EHD3: variants seen among roughly 807,000 people sequenced by gnomAD.
EHD3 encodes the protein EH domain containing 3.
Under a neutral mutation model 43.0 loss-of-function variants are expected in EHD3, and 17 were observed. The ratio of observed to expected loss-of-function variants is 0.40; its 90% CI spans 0.27 to 0.59. The LOEUF (loss-of-function observed/expected upper bound fraction) is 0.59, where lower values mean the gene tolerates loss of function less well. Ranked by LOEUF, EHD3 falls within the 20% of genes least tolerant of loss-of-function variation. EHD3 has a pLI of 0.49. For synonymous variants in EHD3, 313 were observed against 289.5 expected (o/e 1.08, Z -0.82); for missense variants, 594 against 705.6 (o/e 0.84, Z 1.79).
At position 31,265,025 on chromosome 2, in the gene EHD3, C is replaced by A. The variant is rs575084991; in HGVS notation, c.1081-1152C>A. Among the ~76,000 whole-genome samples the A allele has an allele frequency of 5.9e-5, 9 of 152,256 alleles. No homozygotes were observed. In the East Asian group the frequency reaches 1.7e-3, roughly 29 times the overall value. On this transcript the variant is annotated intron_variant, in intron 5 of 5. Transcript: ENST00000322054. ...ATGCTAGTCTAGGCCTACACAGGGT[C>A]AGCATCATCAGTTTCGCTGTCTTCA...
At chr2:31,246,988 C>A (rs1683536313) in intron 2 of EHD3, among the ~76,000 whole-genome samples, 1 of 152,004 alleles carries the variant, frequency 6.6e-6, no homozygotes, top group African/African-American at 2.4e-5. Context: ...CCTCCATCTC[C>A]TGGGTTCAGG....
rs151181600 is a variant in EHD3 at position 31,266,653 on chromosome 2, C to T, written c.1557C>T (p.Asn519=). 9.6e-5 allele frequency: 155 copies of T among 1,612,576 alleles called. No individual in the cohort carries two copies. Among genetic ancestry groups the T allele is most frequent in the Non-Finnish European group, 1.2e-4 (142 of 1,179,058 alleles). The change falls in exon 6 of 6, where the codon AAC becomes AAT. Residue 519 remains asparagine, a synonymous_variant. Coordinates refer to ENST00000322054, the MANE Select transcript of EHD3 (RefSeq NM_014600.3). The surrounding 1 kb of genome is among the most constrained non-coding windows in gnomAD (Gnocchi z 5.1). ...KVKLEGHELP[N]ELPAHLLPPS... is the part of the protein sequence containing the mutation. ...AGCTGGAGGGGCACGAGCTGCCCAA[C>T]GAGCTGCCTGCCCACCTCCTGCCCC... is the stretch of plus-strand genomic sequence containing the variant.
intron 3 of EHD3, among the ~76,000 whole-genome samples, chr2:31,259,811 G>T (rs1471434400): frequency 6.6e-6 from 1 of 152,224 alleles, no homozygotes; most frequent in Non-Finnish European, 1.5e-5. Context: ...CAGATTAGGT[G>T]TCCAGACTTT....
In EHD3 at chr2:31,255,491, A is replaced by G. The variant is rs147575792; in HGVS notation, c.503-5019A>G. ...GTTATCCCTATTTTGCAGCTGAGAA[A>G]ATTGAGGTTCAGATTTGCCAAATAA... On this transcript the variant is annotated intron_variant, in intron 3 of 5. Coordinates refer to ENST00000322054, the MANE Select transcript of EHD3 (RefSeq NM_014600.3). 2.0e-3 allele frequency among the ~76,000 whole-genome samples: 303 copies of G among 152,300 alleles called. 1 individual carries two copies. Among genetic ancestry groups the G allele is most frequent in the African/African-American group, 7.1e-3 (294 of 41,580 alleles).
chr2:31,261,823 A>AGTTTTT, intron 5 of EHD3, 110 bp downstream of exon 5: 2 of 1,326,900 alleles, frequency 1.5e-6, no homozygotes, highest in Non-Finnish European at 2.1e-6. Flanking sequence ...AACCCCGCCC[A>AGTTTTT]GAATCTGCAG....
chr2:31,260,035 T>G lies in EHD3; in HGVS notation c.503-475T>G, dbSNP rs1010564035. Among the ~76,000 whole-genome samples the G allele has an allele frequency of 3.9e-5, 6 of 152,108 alleles. No homozygotes were observed. Among genetic ancestry groups the G allele is most frequent in the African/African-American group, 1.4e-4 (6 of 41,404 alleles). ...TGGCTAACATGGTTAAACCTGTCTC[T>G]ACTAAAAACACAAAAATTAGACGGG... On this transcript the variant is annotated intron_variant, in intron 3 of 5. Transcript: ENST00000322054. The surrounding 1 kb of genome is among the most constrained non-coding windows in gnomAD (Gnocchi z 4.6).
intron 1 of EHD3, among the ~76,000 whole-genome samples, chr2:31,241,263 A>G (rs755722560): frequency 6.6e-6 from 1 of 152,086 alleles, no homozygotes; most frequent in African/African-American, 2.4e-5. Context: ...TCATCGTTCT[A>G]AAAGGGAGCT....
intron 1 of EHD3, among the ~76,000 whole-genome samples, chr2:31,239,941 A>T (rs1350327962): frequency 6.6e-6 from 1 of 152,076 alleles, no homozygotes; most frequent in African/African-American, 2.4e-5. Context: ...CACGTCGCTG[A>T]GCTCTGGGGA....
rs1195575285 is a variant in EHD3, at chr2:31,266,004, C to G, written c.1081-173C>G. 6.6e-6 allele frequency among the ~76,000 whole-genome samples: 1 copy of G among 152,208 alleles called. No homozygotes were observed. Among genetic ancestry groups the G allele is most frequent in the Non-Finnish European group, 1.5e-5 (1 of 68,040 alleles). ...CAGTGGGCCTTTATTCCCCTCCTCT[C>G]TCATACCTTCGATTACCACGTGATG... On this transcript the variant is annotated intron_variant, in intron 5 of 5. Coordinates refer to ENST00000322054, the MANE Select transcript of EHD3 (RefSeq NM_014600.3). This position sits in a 1 kb window ranked among gnomAD's most constrained non-coding sequence, Gnocchi z 5.1.
In EHD3 at chr2:31,247,407, A is replaced by G. The variant is rs143756320; in HGVS notation, c.405-1964A>G. Reference sequence around the variant, plus strand: ...AGGAAGGTGTTGTGAAACAAATAACATGCACATAAAAGGTGATACTATTAA... The same window carrying G: ...AGGAAGGTGTTGTGAAACAAATAACGTGCACATAAAAGGTGATACTATTAA... On this transcript the variant is annotated intron_variant, in intron 2 of 5. Coordinates refer to ENST00000322054, the MANE Select transcript of EHD3 (RefSeq NM_014600.3). Among the ~76,000 whole-genome samples the G allele has an allele frequency of 6.8e-3, 1,042 of 152,300 alleles. 8 individuals are homozygous for G. The highest frequency in any genetic ancestry group is 0.024 in the African/African-American group (982 of 41,554).
rs765780879 is a variant in EHD3, at chr2:31,266,590, C to T, written c.1494C>T (p.Asp498=). 11 of 1,614,020 alleles carry T rather than the reference C, an allele frequency of 6.8e-6. No individual in the cohort carries two copies. The highest frequency in any genetic ancestry group is 2.2e-5 in the East Asian group (1 of 44,888). ...TTGACAAGGATGGCATGCTGGACGA[C>T]GACGAGTTTGCACTGGCCAACCACC... ...ADIDKDGMLD[D]DEFALANHLI... Residue 498 remains aspartate, a synonymous_variant, in exon 6 of 6, where the codon GAC becomes GAT. Transcript: ENST00000322054. The surrounding 1 kb of genome is among the most constrained non-coding windows in gnomAD (Gnocchi z 5.1).
intron 5 of EHD3, among the ~76,000 whole-genome samples, chr2:31,264,298 T>TGAAA (rs1480485300): frequency 3.3e-5 from 5 of 152,150 alleles, no homozygotes; most frequent in Non-Finnish European, 5.9e-5. Context: ...AAATACAGTA[T>TGAAA]GAAAGATAAA....
At chr2:31,237,435 C>T (rs920649272) in intron 1 of EHD3, among the ~76,000 whole-genome samples, 1 of 152,020 alleles carries the variant, frequency 6.6e-6, no homozygotes, top group Non-Finnish European at 1.5e-5. Flanking sequence ...GATGGAGTCT[C>T]ACTGTGTCAC....
intron 5 of EHD3, among the ~76,000 whole-genome samples, chr2:31,265,075 G>A (rs1683921822): frequency 6.6e-6 from 1 of 152,134 alleles, no homozygotes; most frequent in African/African-American, 2.4e-5. Flanking sequence ...CCCACTGGAA[G>A]GTCTTGAGAG....
At chr2:31,263,084 C>T (rs1450503718) in intron 5 of EHD3, among the ~76,000 whole-genome samples, 1 of 152,070 alleles carries the variant, frequency 6.6e-6, no homozygotes, top group Non-Finnish European at 1.5e-5. Flanking sequence ...TTTTAGTTTC[C>T]TATCCGGCAG....
intron 2 of EHD3, among the ~76,000 whole-genome samples, chr2:31,248,088 C>T (rs1376889201): frequency 2.6e-5 from 4 of 152,188 alleles, no homozygotes; most frequent in African/African-American, 4.8e-5. Context: ...CCACCAGCTT[C>T]ACTGCAGTCC....
rs376870177 is a variant in EHD3, at chr2:31,266,386, T to G, written c.1290T>G (p.Ala430=). The G allele has an allele frequency of 9.3e-6, 15 of 1,613,886 alleles. No homozygotes were observed. The African/African-American group carries it at 2.0e-4, about 22-fold the overall frequency. The change falls in exon 6 of 6, where the codon GCT becomes GCG. Residue 430 remains alanine, a synonymous_variant. Coordinates refer to ENST00000322054, the MANE Select transcript of EHD3 (RefSeq NM_014600.3). The surrounding 1 kb of genome is among the most constrained non-coding windows in gnomAD (Gnocchi z 5.1). ...GPFGHGYGEG[A]GEGIDDAEWV... Reference sequence around the variant, plus strand: ...TTGGGCATGGCTATGGGGAGGGGGCTGGAGAAGGTATCGATGATGCTGAGT... The same window carrying G: ...TTGGGCATGGCTATGGGGAGGGGGCGGGAGAAGGTATCGATGATGCTGAGT...
At chr2:31,242,751 G>A (rs1683446426) in intron 1 of EHD3, among the ~76,000 whole-genome samples, 1 of 152,016 alleles carries the variant, frequency 6.6e-6, no homozygotes, top group African/African-American at 2.4e-5. Context: ...CTGAGGTCGG[G>A]AGTTCGAGAC....
intron 4 of EHD3, 83 bp downstream of exon 4, chr2:31,261,005 T>G: frequency 6.9e-7 from 1 of 1,455,846 alleles, no homozygotes; most frequent in Non-Finnish European, 9.3e-7. Context: ...GGTTGCTGCC[T>G]CCAACAGCCA....
Sources: gnomAD v4.1 joint callset for allele counts (sites outside exome capture counted in the v4.1 genomes callset) on GRCh38, gnomAD v4.1.1 for gene constraint, Gnocchi (gnomAD v3.1) non-coding constraint, MANE v1.5 for transcripts, NCBI Gene and HGNC (gene_info 2026-07-23, HGNC 2026-07-21) for gene names.